TINAG: variants seen among roughly 807,000 people sequenced by gnomAD.
TINAG encodes tubulointerstitial nephritis antigen.
TINAG carries 83 observed loss-of-function variants against 72.7 expected under a neutral mutation model. The observed-to-expected ratio is 1.14, with a 90% CI of 0.96 to 1.37. TINAG has a LOEUF of 1.37. Among genes scored for constraint, TINAG ranks in the 40% most tolerant of loss-of-function variants. TINAG has a pLI of 0.00. For synonymous variants in TINAG, 234 were observed against 189.9 expected (o/e 1.23, Z -1.91); for missense variants, 685 against 576.6 (o/e 1.19, Z -1.93).
chr6:54,376,888 T>C lies in TINAG; in HGVS notation c.1251-3638T>C, dbSNP rs1178574967. Reference sequence around the variant, plus strand: ...AGCTTAAATAATTATGTGCATTGAGTGAGAGACGGAAACCCAGTCTCAATG... The same window carrying C: ...AGCTTAAATAATTATGTGCATTGAGCGAGAGACGGAAACCCAGTCTCAATG... On this transcript the variant is annotated intron_variant, in intron 9 of 10. Transcript: ENST00000259782. 2.6e-5 allele frequency among the ~76,000 whole-genome samples: 4 copies of C among 152,176 alleles called. No homozygotes were observed. In the South Asian group the frequency reaches 8.3e-4, roughly 32 times the overall value.
In TINAG at chr6:54,321,180, T is replaced by C. The variant is rs935886934; in HGVS notation, c.420-117T>C. ...TTTTGCCAAGAATCAAATAACCATA[T>C]GGCTAACATTAATCAAGAAATTATG... On this transcript the variant is annotated intron_variant, in intron 2 of 10. Coordinates refer to ENST00000259782, the MANE Select transcript of TINAG (RefSeq NM_014464.4). The C allele has an allele frequency of 1.3e-5, 10 of 788,416 alleles. No homozygotes were observed. In the African/African-American group the frequency reaches 1.6e-4, roughly 12 times the overall value. The allele number at this position is 788,416 out of a possible 1,614,324, so 48.8% of individuals were successfully genotyped here. A position where few individuals can be genotyped will look rare whatever the true frequency, so the allele number is the denominator to read the frequency against.
At chr6:54,357,127 G>C (rs1371495587) in intron 9 of TINAG, among the ~76,000 whole-genome samples, 1 of 151,860 alleles carries the variant, frequency 6.6e-6, no homozygotes, top group Non-Finnish European at 1.5e-5. Context: ...CATCCACATT[G>C]CTAAATTCAT....
intron 4 of TINAG, among the ~76,000 whole-genome samples, chr6:54,327,803 G>T (rs1366274257): frequency 6.6e-6 from 1 of 152,088 alleles, no homozygotes; most frequent in African/African-American, 2.4e-5. Context: ...GCTTGAGTAG[G>T]CGGTTTTCCC....
chr6:54,381,362 T>C (rs1319790484), intron 10 of TINAG, among the ~76,000 whole-genome samples: 1 of 151,934 alleles, frequency 6.6e-6, no homozygotes, highest in Admixed American at 6.6e-5. Context: ...TATATACTTT[T>C]TTTATACAGA....
chr6:54,309,144 A>AG (rs1191097004), intron 1 of TINAG, among the ~76,000 whole-genome samples: 1 of 152,154 alleles, frequency 6.6e-6, no homozygotes, highest in East Asian at 1.9e-4. Context: ...GCTGATCGGA[A>AG]TCCTGATCAG....
chr6:54,383,227 T>C (rs1044352826), intron 10 of TINAG, among the ~76,000 whole-genome samples: 4 of 152,122 alleles, frequency 2.6e-5, no homozygotes, highest in African/African-American at 9.7e-5. Context: ...TTCCCTATCT[T>C]TATATTATAT....
chr6:54,331,351 A>G (rs1352437442), intron 4 of TINAG, among the ~76,000 whole-genome samples: 2 of 152,222 alleles, frequency 1.3e-5, no homozygotes, highest in African/African-American at 4.8e-5. Context: ...AACCAATAAC[A>G]AAAACCACAT....
intron 4 of TINAG, among the ~76,000 whole-genome samples, chr6:54,331,640 A>G (rs1240090661): frequency 6.6e-6 from 1 of 152,252 alleles, no homozygotes; most frequent in Non-Finnish European, 1.5e-5. Context: ...AATAAAGTGT[A>G]TTCATAAAGG....
chr6:54,375,851 C>T (rs144687669), intron 9 of TINAG, among the ~76,000 whole-genome samples: 20 of 152,274 alleles, frequency 1.3e-4, no homozygotes, highest in Non-Finnish European at 2.1e-4. Context: ...GATGCTAACA[C>T]CAGAGCTGTC....
chr6:54,381,987 G>A (rs1471993494), intron 10 of TINAG, among the ~76,000 whole-genome samples: 1 of 151,666 alleles, frequency 6.6e-6, no homozygotes, highest in African/African-American at 2.4e-5. Flanking sequence ...CCTACCTCTA[G>A]GTAGTGTATA....
chr6:54,345,721 T>C (rs572692594), intron 5 of TINAG, among the ~76,000 whole-genome samples: 366 of 152,100 alleles, frequency 2.4e-3, no homozygotes, highest in Middle Eastern at 6.8e-3. Context: ...AGTGCAATAG[T>C]AGATGGGAAT....
At chr6:54,320,796 A>G in intron 2 of TINAG, 154 bp downstream of exon 2, 2 of 566,724 alleles carry the variant, frequency 3.5e-6, no homozygotes, top group Non-Finnish European at 5.9e-6. Flanking sequence ...TTGTATAAGC[A>G]TATTTAATTT....
intron 10 of TINAG, among the ~76,000 whole-genome samples, chr6:54,384,435 A>C (rs191320043): frequency 1.3e-5 from 2 of 152,244 alleles, no homozygotes; most frequent in East Asian, 3.9e-4. Flanking sequence ...AGCTGAAGAT[A>C]AAAAATAGAA....
chr6:54,350,294 T>G (rs1370136559), intron 7 of TINAG, among the ~76,000 whole-genome samples: 1 of 151,980 alleles, frequency 6.6e-6, no homozygotes, highest in Non-Finnish European at 1.5e-5. Flanking sequence ...CTGGGTCTAA[T>G]AGAAAAAAGA....
rs186592143 is a variant in TINAG at position 54,331,409 on chromosome 6, C to A, written c.624+4493C>A. Among the ~76,000 whole-genome samples, 35 of 152,254 alleles carry A rather than the reference C, an allele frequency of 2.3e-4. 1 individual carries two copies. The highest frequency in any genetic ancestry group is 2.0e-3 in the Admixed American group (31 of 15,300). ...AAGACCTTCGATAAAACTCAACACC[C>A]CTTCATGCTAAAAACACTCAATAAA... On this transcript the variant is annotated intron_variant, in intron 4 of 10. Coordinates refer to ENST00000259782, the MANE Select transcript of TINAG (RefSeq NM_014464.4).
At chr6:54,368,351 TA>T (rs1287920590) in intron 9 of TINAG, among the ~76,000 whole-genome samples, 1 of 147,854 alleles carries the variant, frequency 6.8e-6, no homozygotes, top group Admixed American at 6.8e-5. Context: ...AAATATTAAA[TA>T]ATAGTTATTA....
chr6:54,377,160 T>C (rs1317282581), intron 9 of TINAG, among the ~76,000 whole-genome samples: 1 of 152,078 alleles, frequency 6.6e-6, no homozygotes, highest in Non-Finnish European at 1.5e-5. Flanking sequence ...AAAAACCAAA[T>C]AGCCAGTATT....
At chr6:54,314,867 G>A (rs1168007607) in intron 1 of TINAG, among the ~76,000 whole-genome samples, 1 of 152,046 alleles carries the variant, frequency 6.6e-6, no homozygotes, top group African/African-American at 2.4e-5. Context: ...TAGAATTTAT[G>A]TTCCAGGTAT....
Position 54,349,764 on chromosome 6 carries a change from C to A in TINAG, c.948C>A (p.Thr316=). The A allele has an allele frequency of 6.2e-7, 1 of 1,604,466 alleles. No homozygotes were observed. Among genetic ancestry groups the A allele is most frequent in the Non-Finnish European group, 8.5e-7 (1 of 1,174,164 alleles). ...CYPLFKDQNA[T]NNGCAMASRS... ...CACTTTTCAAAGACCAAAATGCTAC[C>A]AACAATGGATGTGCCATGGCAAGCA... The change falls in exon 7 of 11, where the codon ACC becomes ACA. Residue 316 remains threonine, a synonymous_variant. Coordinates refer to ENST00000259782, the MANE Select transcript of TINAG (RefSeq NM_014464.4).
Sources: allele counts gnomAD v4.1 joint callset (sites outside exome capture counted in the v4.1 genomes callset), GRCh38; gene constraint gnomAD v4.1.1; transcripts MANE v1.5; gene names NCBI Gene and HGNC (gene_info 2026-07-23, HGNC 2026-07-21).